Variants in EML4 observed in about 807,000 individuals in gnomAD.
EML4 encodes EMAP like 4.
Under a neutral mutation model 129.0 loss-of-function variants are expected in EML4, and 72 were observed. The observed-to-expected ratio is 0.56, with a 90% CI of 0.46 to 0.68. The LOEUF (loss-of-function observed/expected upper bound fraction) is 0.68, where lower values mean the gene tolerates loss of function less well. EML4 is among the 30% of genes least tolerant of loss of function. EML4 has a pLI of 0.00. For missense variants in EML4, 1,363 were observed against 1,190.6 expected, an observed-to-expected ratio of 1.14 and a Z score of -2.13; for synonymous variants, 532 against 405.0, an observed-to-expected ratio of 1.31 and a Z score of -3.77.
intron 1 of EML4, among the ~76,000 whole-genome samples, chr2:42,196,479 A>G (rs932674804): frequency 6.6e-6 from 1 of 152,184 alleles, no homozygotes; most frequent in African/African-American, 2.4e-5. Flanking sequence ...AGACCATAAC[A>G]TGGATCTAAG....
At chr2:42,226,876 A>G (rs933406912) in intron 1 of EML4, among the ~76,000 whole-genome samples, 2 of 152,144 alleles carry the variant, frequency 1.3e-5, no homozygotes, top group Non-Finnish European at 2.9e-5. Context: ...TCAATTAAAA[A>G]GTAAATTTAA....
rs7557075 is a variant in EML4, at chr2:42,329,570, A to G, written c.2473-164A>G. ...CCTATGTAAAGTGATAATAAAAGGAAATAACGGCTAGCCTTACTCCTGAGA... is the reference window on the plus strand; with the variant it reads ...CCTATGTAAAGTGATAATAAAAGGAGATAACGGCTAGCCTTACTCCTGAGA... On this transcript the variant is annotated intron_variant, in intron 22 of 22. Transcript: ENST00000318522. 9.7e-3 allele frequency among the ~76,000 whole-genome samples: 1,478 copies of G among 152,344 alleles called. 27 individuals carry two copies. The highest frequency in any genetic ancestry group is 0.033 in the African/African-American group (1,376 of 41,584).
At chr2:42,240,226 G>T (rs1674933821) in intron 1 of EML4, among the ~76,000 whole-genome samples, 1 of 151,828 alleles carries the variant, frequency 6.6e-6, no homozygotes, top group Admixed American at 6.6e-5. Flanking sequence ...AGCTTCAGAA[G>T]CAATGCATTT....
At chr2:42,204,758 C>T (rs756049895) in intron 1 of EML4, among the ~76,000 whole-genome samples, 1 of 152,134 alleles carries the variant, frequency 6.6e-6, no homozygotes, top group African/African-American at 2.4e-5. Flanking sequence ...CTAGGATAAA[C>T]AGAAATGGAT....
At chr2:42,293,011 C>G (rs558428066) in intron 11 of EML4, among the ~76,000 whole-genome samples, 1 of 152,218 alleles carries the variant, frequency 6.6e-6, no homozygotes, top group South Asian at 2.1e-4. Flanking sequence ...AATCTTTAAA[C>G]TTTACTTAGA....
chr2:42,171,338 GAGATCACTTTAACTTCTTTC>G (rs1390008300), intron 1 of EML4, among the ~76,000 whole-genome samples: 1 of 152,218 alleles, frequency 6.6e-6, no homozygotes, highest in Non-Finnish European at 1.5e-5. Context: ...TAGGAGTGGT[GAGATCACTTTAACTTCTTTC>G]GTGTTGGCTC....
At chr2:42,177,005 C>G (rs1372386779) in intron 1 of EML4, among the ~76,000 whole-genome samples, 5 of 152,048 alleles carry the variant, frequency 3.3e-5, no homozygotes, top group Admixed American at 3.3e-4. Flanking sequence ...GTTGGCCAGG[C>G]CTGTCTCAAA....
At chr2:42,197,271 C>T (rs1168765834) in intron 1 of EML4, among the ~76,000 whole-genome samples, 1 of 152,130 alleles carries the variant, frequency 6.6e-6, no homozygotes, top group Non-Finnish European at 1.5e-5. Context: ...GCCATATTCC[C>T]AGGCTGGTCT....
At chr2:42,259,534 A>G (rs376545871) in intron 3 of EML4, among the ~76,000 whole-genome samples, 2 of 151,968 alleles carry the variant, frequency 1.3e-5, no homozygotes, top group East Asian at 1.9e-4. Context: ...GAAAGACCAA[A>G]CCTACCCTCT....
intron 10 of EML4, among the ~76,000 whole-genome samples, chr2:42,287,616 G>T (rs369870467): frequency 6.6e-6 from 1 of 151,982 alleles, no homozygotes; most frequent in East Asian, 1.9e-4. Context: ...TCATCTATAG[G>T]TATTTTTCTT....
intron 2 of EML4, among the ~76,000 whole-genome samples, chr2:42,249,324 A>G (rs533542856): frequency 6.6e-6 from 1 of 151,644 alleles, no homozygotes; most frequent in African/African-American, 2.4e-5. Context: ...TAGAATTTAT[A>G]GTATCGAGTA....
chr2:42,292,286 C>G (rs976436229), intron 11 of EML4, among the ~76,000 whole-genome samples: 3 of 152,156 alleles, frequency 2.0e-5, no homozygotes, highest in Non-Finnish European at 4.4e-5. Context: ...CCAAATTGTT[C>G]ATCTCGGCAG....
intron 11 of EML4, chr2:42,288,880 T>G (rs1191757563): frequency 6.6e-6 from 1 of 152,196 alleles, no homozygotes; most frequent in Non-Finnish European, 1.5e-5. Context: ...TAAAATGCAT[T>G]GAAGCTGGGT....
intron 11 of EML4, among the ~76,000 whole-genome samples, chr2:42,291,515 C>T (rs1472694912): frequency 3.3e-5 from 5 of 151,354 alleles, no homozygotes; most frequent in Non-Finnish European, 7.4e-5. Flanking sequence ...GTGATTCTTC[C>T]GCCTCAGCTT....
Position 42,332,082 on chromosome 2 carries a change from C to G in EML4, c.*1875C>G, listed in dbSNP as rs1375552171. ...TGTCTGTTAGCAATGATTATTACAT[C>G]ATCAGATCAGCATGTGCTATACTCC... On this transcript the variant is annotated 3_prime_UTR_variant, in exon 23 of 23. Transcript: ENST00000318522. 1.4e-5 allele frequency: 3 copies of G among 221,824 alleles called. No homozygotes were observed. The highest frequency in any genetic ancestry group is 2.7e-5 in the Non-Finnish European group (3 of 110,902). The allele number at this position is 221,824 out of a possible 1,614,324, so 13.7% of individuals were successfully genotyped here.
At chr2:42,264,178 A>G (rs1665922254) in intron 5 of EML4, among the ~76,000 whole-genome samples, 1 of 135,114 alleles carries the variant, frequency 7.4e-6, no homozygotes, top group Non-Finnish European at 1.5e-5. Context: ...CACCATCACT[A>G]TCATGTCTTA....
rs1213445002 is a variant in EML4, at chr2:42,326,125, G to A, written c.2243-29G>A. ...AAATACATTTGTACACAAGCACTAT[G>A]ATTATACTTCCTGTTTCTAAATTTA... On this transcript the variant is annotated intron_variant, in intron 20 of 22. Transcript: ENST00000318522. 1.9e-6 allele frequency: 3 copies of A among 1,610,514 alleles called. No individual in the cohort carries two copies. In the African/African-American group the frequency reaches 4.0e-5, roughly 22 times the overall value.
intron 3 of EML4, among the ~76,000 whole-genome samples, chr2:42,257,316 A>G (rs1393666064): frequency 6.6e-6 from 1 of 152,214 alleles, no homozygotes; most frequent in African/African-American, 2.4e-5. Context: ...TGGAGAGACC[A>G]TAGGTGATCA....
intron 1 of EML4, among the ~76,000 whole-genome samples, chr2:42,224,337 G>C (rs1673812819): frequency 6.6e-6 from 1 of 152,100 alleles, no homozygotes; most frequent in Non-Finnish European, 1.5e-5. Context: ...CTTTCACTAA[G>C]TATGTTTTCA....
Sources: gnomAD v4.1 joint callset for allele counts (sites outside exome capture counted in the v4.1 genomes callset) on GRCh38, gnomAD v4.1.1 for gene constraint, MANE v1.5 for transcripts, NCBI Gene and HGNC (gene_info 2026-07-23, HGNC 2026-07-21) for gene names.